ITGB6: variants seen among roughly 807,000 people sequenced by gnomAD.
ITGB6 encodes integrin beta-6.
In ITGB6, 80 loss-of-function variants were observed where a neutral mutation model predicts 84.5. That is an observed-to-expected ratio of 0.95 (90% CI 0.79 to 1.14). The LOEUF (loss-of-function observed/expected upper bound fraction) is 1.14. Ranked by LOEUF, ITGB6 falls within the 50% of genes most tolerant of loss-of-function variation. The probability of loss-of-function intolerance (pLI) is 0.00; values close to 1 mark genes in which losing one functional copy is unlikely to be tolerated. For synonymous variants in ITGB6, 383 were observed against 354.9 expected, an observed-to-expected ratio of 1.08 and a Z score of -0.89; for missense variants, 1,006 against 968.0, an observed-to-expected ratio of 1.04 and a Z score of -0.52.
intron 4 of ITGB6, among the ~76,000 whole-genome samples, chr2:160,184,818 G>C (rs1299443866): frequency 6.6e-6 from 1 of 152,178 alleles, no homozygotes; most frequent in East Asian, 1.9e-4. Context: ...TGCAAGGCTG[G>C]TTCAACATAC....
intron 7 of ITGB6, among the ~76,000 whole-genome samples, chr2:160,145,417 T>C (rs1428154542): frequency 1.3e-5 from 2 of 152,210 alleles, no homozygotes; most frequent in Non-Finnish European, 2.9e-5. Context: ...TTTTCTTAAC[T>C]TCCTTCTTCA....
intron 14 of ITGB6, among the ~76,000 whole-genome samples, chr2:160,105,374 T>A (rs952995911): frequency 6.6e-6 from 1 of 152,226 alleles, no homozygotes; most frequent in Non-Finnish European, 1.5e-5. Context: ...AATTAACTGT[T>A]AATTAAAATG....
chr2:160,187,048 T>C (rs1199549476), intron 4 of ITGB6, among the ~76,000 whole-genome samples: 2 of 152,104 alleles, frequency 1.3e-5, no homozygotes, highest in African/African-American at 2.4e-5. Flanking sequence ...CAAACAACCA[T>C]GGCACATATA....
chr2:160,183,860 G>A (rs1685785071), intron 4 of ITGB6, among the ~76,000 whole-genome samples: 2 of 152,042 alleles, frequency 1.3e-5, no homozygotes, highest in African/African-American at 4.8e-5. Flanking sequence ...ACAACTACAT[G>A]GAAACTGAAC....
rs370715193 is a variant in ITGB6, at chr2:160,160,830, A to G, written c.1017+8382T>C. Among the ~76,000 whole-genome samples the G allele has an allele frequency of 1.1e-4, 16 of 152,318 alleles. No homozygotes were observed. The East Asian group carries it at 2.9e-3, about 27-fold the overall frequency. On this transcript the variant is annotated intron_variant, in intron 7 of 14. Coordinates refer to ENST00000283249, the MANE Select transcript of ITGB6 (RefSeq NM_000888.5). ...CCACATAGAGTGGCCAACTGCAACC[A>G]TAGGAAAGGCTTTAGGGGATACATG...
chr2:160,183,532 A>G (rs1685771322), intron 4 of ITGB6, among the ~76,000 whole-genome samples: 1 of 152,186 alleles, frequency 6.6e-6, no homozygotes, highest in Non-Finnish European at 1.5e-5. Flanking sequence ...CTCCCACACA[A>G]TAATAGTGGG....
chr2:160,121,791 C>A (rs1043350965), intron 12 of ITGB6, among the ~76,000 whole-genome samples: 2 of 143,476 alleles, frequency 1.4e-5, no homozygotes, highest in Non-Finnish European at 3.1e-5. Flanking sequence ...AAAAAAAAGA[C>A]TCTCAGTAAA....
intron 7 of ITGB6, among the ~76,000 whole-genome samples, chr2:160,150,604 A>G (rs1246612143): frequency 6.6e-6 from 1 of 152,184 alleles, no homozygotes; most frequent in Non-Finnish European, 1.5e-5. Flanking sequence ...TTCACAAATA[A>G]CAATATTAAC....
At chr2:160,126,657 G>T (rs1683258447) in intron 10 of ITGB6, 56 bp from the exon 11 acceptor site, 2 of 1,483,808 alleles carry the variant, frequency 1.3e-6, no homozygotes, top group African/African-American at 2.8e-5. Flanking sequence ...GCAGATTTGA[G>T]GGGGTGAGGG....
intron 7 of ITGB6, among the ~76,000 whole-genome samples, chr2:160,147,717 C>A (rs1329660231): frequency 6.6e-6 from 1 of 152,086 alleles, no homozygotes; most frequent in Non-Finnish European, 1.5e-5. Flanking sequence ...AAAGGCAACA[C>A]AATGGAGCAA....
At chr2:160,140,755 A>G (rs1020126702) in intron 8 of ITGB6, among the ~76,000 whole-genome samples, 1 of 152,248 alleles carries the variant, frequency 6.6e-6, no homozygotes, top group Non-Finnish European at 1.5e-5. Context: ...AAACAAAACA[A>G]AACAAAACCA....
chr2:160,121,752 G>A (rs1237391404), intron 12 of ITGB6, among the ~76,000 whole-genome samples: 1 of 143,644 alleles, frequency 7.0e-6, no homozygotes, highest in Non-Finnish European at 1.5e-5. Flanking sequence ...GGGGAGACAG[G>A]GTAAGGCCTT....
Position 160,126,561 on chromosome 2 carries a change from G to A in ITGB6, c.1701C>T (p.Ser567=). The change falls in exon 11 of 15, where the codon AGC becomes AGT. Residue 567 remains serine (S), a synonymous_variant. Coordinates refer to ENST00000283249, the MANE Select transcript of ITGB6 (RefSeq NM_000888.5). The part of the protein sequence containing the change: ...DCDCGECVCR[S]GWTGEYCNCT... ...AGTTGCAGTACTCGCCAGTCCAGCC[G>A]CTCCTGCACACACATTCACCACAGT... is the stretch of plus-strand genomic sequence containing the variant. 1.9e-6 allele frequency: 3 copies of A among 1,613,836 alleles called. No individual in the cohort carries two copies. The highest frequency in any genetic ancestry group is 2.2e-5 in the East Asian group (1 of 44,876).
intron 7 of ITGB6, among the ~76,000 whole-genome samples, chr2:160,151,607 G>A (rs1433898602): frequency 6.6e-6 from 1 of 151,850 alleles, no homozygotes. Flanking sequence ...GAGCAGAACT[G>A]AAAGAGATAA....
At chr2:160,180,335 T>C (rs932790752) in intron 4 of ITGB6, among the ~76,000 whole-genome samples, 5 of 152,182 alleles carry the variant, frequency 3.3e-5, no homozygotes, top group African/African-American at 1.2e-4. Flanking sequence ...TATAGAGCCT[T>C]GGACACTCTC....
intron 4 of ITGB6, among the ~76,000 whole-genome samples, chr2:160,190,201 T>C (rs1686084393): frequency 9.1e-6 from 1 of 109,724 alleles, no homozygotes; most frequent in Non-Finnish European, 1.8e-5. Context: ...TCAGGGACTG[T>C]TGTGGGTTGG....
At chr2:160,182,391 T>A (rs771052715) in intron 4 of ITGB6, among the ~76,000 whole-genome samples, 1 of 152,036 alleles carries the variant, frequency 6.6e-6, no homozygotes, top group Non-Finnish European at 1.5e-5. Flanking sequence ...AGAAAGGATA[T>A]CAGAGATTGA....
intron 7 of ITGB6, among the ~76,000 whole-genome samples, chr2:160,151,759 CGG>C (rs1684427932): frequency 6.6e-6 from 1 of 151,794 alleles, no homozygotes; most frequent in Non-Finnish European, 1.5e-5. Flanking sequence ...AAATGATAAA[CGG>C]GATATCACCA....
intron 12 of ITGB6, among the ~76,000 whole-genome samples, chr2:160,121,136 A>T (rs147169922): frequency 1.7e-4 from 26 of 152,300 alleles, no homozygotes; most frequent in Non-Finnish European, 2.5e-4. Flanking sequence ...CCATATGTTT[A>T]AGACCTCAGC....
Sources: allele counts gnomAD v4.1 joint callset (sites outside exome capture counted in the v4.1 genomes callset), GRCh38; gene constraint gnomAD v4.1.1; transcripts MANE v1.5; gene names NCBI Gene and HGNC (gene_info 2026-07-23, HGNC 2026-07-21).